Variants in RCAN1 observed in about 807,000 individuals in gnomAD.
The protein encoded by RCAN1 is calcipressin-1.
Under a neutral mutation model 22.9 loss-of-function variants are expected in RCAN1, and 11 were observed. The observed-to-expected ratio is 0.48, with a 90% CI of 0.30 to 0.79. RCAN1 has a LOEUF of 0.79. Ranked by LOEUF, RCAN1 falls within the 30% of genes least tolerant of loss-of-function variation. RCAN1 has a pLI of 0.06. For missense variants in RCAN1, 291 were observed against 337.8 expected, an observed-to-expected ratio of 0.86 and a Z score of 1.09; for synonymous variants, 136 against 142.3, an observed-to-expected ratio of 0.96 and a Z score of 0.32.
chr21:34,590,801 G>A lies in RCAN1; in HGVS notation c.252+23959C>T, dbSNP rs183260989. Among the ~76,000 whole-genome samples, 154 of 152,324 alleles carry A rather than the reference G, an allele frequency of 1.0e-3. 2 individuals carry two copies. Among genetic ancestry groups the A allele is most frequent in the African/African-American group, 3.5e-3 (145 of 41,554 alleles). On this transcript the variant is annotated intron_variant, in intron 1 of 3. Transcript: ENST00000313806. Reference sequence around the variant, plus strand: ...GACAGGCTTCCTATATCTGAGAAGCGTGGAATCTCATGGATACACACAGCT... The same window carrying A: ...GACAGGCTTCCTATATCTGAGAAGCATGGAATCTCATGGATACACACAGCT...
At chr21:34,519,421 A>G (rs1341307944) in intron 3 of RCAN1, among the ~76,000 whole-genome samples, 1 of 101,048 alleles carries the variant, frequency 9.9e-6, no homozygotes, top group Non-Finnish European at 1.9e-5. Context: ...TTTTTTTGAG[A>G]CAGAGTCTTG....
At position 34,533,034 on chromosome 21, in the gene RCAN1, C is replaced by T. The variant is rs60685216; in HGVS notation, c.253-9324G>A. ...GGAGTGCAGTGGCACTATCTCGGCT[C>T]ACTGCAAGCTCCGCCTCCCGGGTTC... On this transcript the variant is annotated intron_variant, in intron 1 of 3. Coordinates refer to ENST00000313806, the MANE Select transcript of RCAN1 (RefSeq NM_004414.7). Among the ~76,000 whole-genome samples, 38 of 150,906 alleles carry T rather than the reference C, an allele frequency of 2.5e-4. 1 individual carries two copies. In the East Asian group the frequency reaches 4.7e-3, roughly 19 times the overall value.
intron 1 of RCAN1, among the ~76,000 whole-genome samples, chr21:34,604,469 C>T (rs1245863447): frequency 6.6e-6 from 1 of 152,100 alleles, no homozygotes; most frequent in Non-Finnish European, 1.5e-5. Flanking sequence ...ACACAGGGGT[C>T]ATCTCAGATC....
intron 1 of RCAN1, among the ~76,000 whole-genome samples, chr21:34,571,241 C>T (rs1208774937): frequency 3.3e-5 from 5 of 152,038 alleles, no homozygotes; most frequent in Admixed American, 6.6e-5. Context: ...TGTGGTGAGC[C>T]GAGATCGTAC....
chr21:34,563,106 T>G (rs1437093371), intron 1 of RCAN1, among the ~76,000 whole-genome samples: 1 of 152,220 alleles, frequency 6.6e-6, no homozygotes, highest in African/African-American at 2.4e-5. Context: ...TAAAGGAACA[T>G]GGGGAGACAA....
chr21:34,611,746 C>T (rs1031031596), intron 1 of RCAN1, among the ~76,000 whole-genome samples: 1 of 152,118 alleles, frequency 6.6e-6, no homozygotes. Context: ...AAGGTGACAC[C>T]CCAGTCTTAA....
chr21:34,538,224 C>T (rs1247427422), intron 1 of RCAN1, among the ~76,000 whole-genome samples: 1 of 152,172 alleles, frequency 6.6e-6, no homozygotes, highest in African/African-American at 2.4e-5. Context: ...AGAGTGTGGT[C>T]TTTAAGATAG....
chr21:34,551,631 AT>A (rs34521802), intron 1 of RCAN1, among the ~76,000 whole-genome samples: 36,625 of 151,872 alleles, frequency 0.24, 5,142 homozygotes, highest in African/African-American at 0.39. Context: ...TTCTTTTTTG[AT>A]TCTTTAAGTC....
chr21:34,531,755 G>A (rs3787720), intron 1 of RCAN1, among the ~76,000 whole-genome samples: 58,051 of 151,730 alleles, frequency 0.38, 12,158 homozygotes, highest in African/African-American at 0.55. Flanking sequence ...TGGCTTATAT[G>A]CCTCAAAACA....
At chr21:34,593,773 TAAAC>T (rs1988051167) in intron 1 of RCAN1, among the ~76,000 whole-genome samples, 1 of 152,108 alleles carries the variant, frequency 6.6e-6, no homozygotes, top group Admixed American at 6.5e-5. Context: ...GTTTAGGAAA[TAAAC>T]AAGTGGAAAA....
chr21:34,526,794 C>T, intron 1 of RCAN1: 2 of 1,581,744 alleles, frequency 1.3e-6, no homozygotes. Flanking sequence ...CGCAGTCAAG[C>T]CCCTAGTGAG....
chr21:34,584,603 T>C (rs550458968), intron 1 of RCAN1, among the ~76,000 whole-genome samples: 4 of 152,226 alleles, frequency 2.6e-5, no homozygotes, highest in Non-Finnish European at 5.9e-5. Flanking sequence ...GTAACACCTA[T>C]TGAGGTTTTC....
At chr21:34,551,156 A>C (rs1281653267) in intron 1 of RCAN1, among the ~76,000 whole-genome samples, 2 of 152,230 alleles carry the variant, frequency 1.3e-5, no homozygotes, top group African/African-American at 2.4e-5. Context: ...AGGCTTTTAA[A>C]GGCACCCGTG....
intron 1 of RCAN1, among the ~76,000 whole-genome samples, chr21:34,547,018 C>T (rs1228228449): frequency 1.3e-5 from 2 of 152,224 alleles, no homozygotes; most frequent in Non-Finnish European, 2.9e-5. Flanking sequence ...TTGGGGCCCA[C>T]ACTTTTGCAA....
intron 1 of RCAN1, among the ~76,000 whole-genome samples, chr21:34,545,076 C>T (rs1474377807): frequency 6.6e-6 from 1 of 152,212 alleles, no homozygotes; most frequent in African/African-American, 2.4e-5. Flanking sequence ...CCCATGCCTG[C>T]CATCATGGTG....
At chr21:34,544,131 C>G (rs1279776509) in intron 1 of RCAN1, among the ~76,000 whole-genome samples, 1 of 152,240 alleles carries the variant, frequency 6.6e-6, no homozygotes, top group African/African-American at 2.4e-5. Flanking sequence ...AATTCTTGCC[C>G]TACCTATTGT....
At chr21:34,580,246 GC>G (rs1477569792) in intron 1 of RCAN1, among the ~76,000 whole-genome samples, 3 of 152,234 alleles carry the variant, frequency 2.0e-5, no homozygotes, top group African/African-American at 7.2e-5. Context: ...ACAGAGGCCG[GC>G]CTGCACAGCC....
intron 1 of RCAN1, among the ~76,000 whole-genome samples, chr21:34,564,207 G>A (rs551000919): frequency 3.9e-5 from 6 of 152,122 alleles, no homozygotes; most frequent in African/African-American, 1.2e-4. Context: ...CCGTCCCCAC[G>A]ATCTGACCAC....
Position 34,614,610 on chromosome 21 carries a change from C to T in RCAN1, c.252+150G>A, listed in dbSNP as rs1568938100. On this transcript the variant is annotated intron_variant, in intron 1 of 3. Transcript: ENST00000313806. The surrounding 1 kb of genome is among the most constrained non-coding windows in gnomAD (Gnocchi z 6.0). ...TCGGGGCGCCGTCCCCACGCCCCAG[C>T]CCTGACGGGTCCGCGGCCGAGCAGC... 2 of 1,046,588 alleles carry T rather than the reference C, an allele frequency of 1.9e-6. No individual in the cohort carries two copies. The highest frequency in any genetic ancestry group is 2.4e-6 in the Non-Finnish European group (2 of 849,132). 64.8% of individuals were successfully genotyped at this position (1,046,588 alleles called of 1,614,324 possible).
Sources: gnomAD v4.1 joint callset for allele counts (sites outside exome capture counted in the v4.1 genomes callset) on GRCh38, gnomAD v4.1.1 for gene constraint, Gnocchi (gnomAD v3.1) non-coding constraint, MANE v1.5 for transcripts, NCBI Gene and HGNC (gene_info 2026-07-23, HGNC 2026-07-21) for gene names.